RXFP1: variants seen among roughly 807,000 people sequenced by gnomAD.
RXFP1 encodes relaxin receptor 1.
In RXFP1, 73 loss-of-function variants were observed where a neutral mutation model predicts 89.8. The observed-to-expected ratio is 0.81, with a 90% CI of 0.67 to 0.99. The LOEUF (loss-of-function observed/expected upper bound fraction) is 0.99, where lower values mean the gene tolerates loss of function less well. Ranked by LOEUF, RXFP1 falls within the 50% of genes least tolerant of loss-of-function variation. The pLI is 0.00. For synonymous variants in RXFP1, 277 were observed against 305.5 expected (o/e 0.91, Z 0.97); for missense variants, 793 against 895.5 (o/e 0.89, Z 1.46).
At chr4:158,565,616 G>A (rs986589947) in intron 1 of RXFP1, among the ~76,000 whole-genome samples, 1 of 152,160 alleles carries the variant, frequency 6.6e-6, no homozygotes, top group African/African-American at 2.4e-5. Context: ...ATATTACAAA[G>A]ACACCAAAGC....
chr4:158,523,361 G>A (rs930790708), intron 1 of RXFP1, among the ~76,000 whole-genome samples: 4 of 152,068 alleles, frequency 2.6e-5, no homozygotes, highest in African/African-American at 7.2e-5. Context: ...GAATTTAAGG[G>A]TATATAAAAG....
chr4:158,578,331 C>G (rs370261789), intron 2 of RXFP1, among the ~76,000 whole-genome samples: 3 of 152,260 alleles, frequency 2.0e-5, no homozygotes, highest in East Asian at 3.9e-4. Context: ...TTTAAGTCAT[C>G]AGAGCAGTGT....
Position 158,589,434 on chromosome 4 carries a change from T to G in RXFP1, c.188-3967T>G, listed in dbSNP as rs939612228. ...TTTATAAAATAGCAAAATCTTTTGG[T>G]ATGTCAGTCTTCTCTAAGTCCAATT... On this transcript the variant is annotated intron_variant, in intron 2 of 17. Transcript: ENST00000307765. Among the ~76,000 whole-genome samples, 6 of 152,290 alleles carry G rather than the reference T, an allele frequency of 3.9e-5. No individual in the cohort carries two copies. The South Asian group carries it at 1.2e-3, about 32-fold the overall frequency.
At chr4:158,531,532 CT>C (rs1270186080) in intron 1 of RXFP1, among the ~76,000 whole-genome samples, 29 of 152,086 alleles carry the variant, frequency 1.9e-4, no homozygotes, top group Admixed American at 1.8e-3. Flanking sequence ...GGTTTTTGTC[CT>C]TTTTTTCCTC....
At chr4:158,552,196 G>A (rs1295803189) in intron 1 of RXFP1, among the ~76,000 whole-genome samples, 2 of 152,156 alleles carry the variant, frequency 1.3e-5, no homozygotes, top group Non-Finnish European at 2.9e-5. Flanking sequence ...TTTATTTCTT[G>A]GCTGCACTAC....
chr4:158,568,632 T>A (rs1259956183), intron 1 of RXFP1, among the ~76,000 whole-genome samples: 5 of 152,188 alleles, frequency 3.3e-5, no homozygotes, highest in Non-Finnish European at 7.4e-5. Flanking sequence ...TTTAAACAAT[T>A]GGTTGAAAAA....
intron 14 of RXFP1, among the ~76,000 whole-genome samples, chr4:158,640,475 A>G (rs953179611): frequency 1.2e-4 from 18 of 152,168 alleles, no homozygotes; most frequent in Non-Finnish European, 2.4e-4. Flanking sequence ...ATGGCAGAGG[A>G]CAAAGAGGGA....
chr4:158,541,113 T>A lies in RXFP1; in HGVS notation c.49+19088T>A, dbSNP rs558200877. Among the ~76,000 whole-genome samples the A allele has an allele frequency of 5.3e-5, 8 of 152,286 alleles. No homozygotes were observed. The South Asian group carries it at 1.7e-3, about 32-fold the overall frequency. ...TGATGGCATTCAGAGTCATGCTTTT[T>A]GTTATTTTCCCACAAAAGGTTAGAT... On this transcript the variant is annotated intron_variant, in intron 1 of 17. Coordinates refer to ENST00000307765, the MANE Select transcript of RXFP1 (RefSeq NM_021634.4).
intron 1 of RXFP1, among the ~76,000 whole-genome samples, chr4:158,528,068 C>A (rs1743030105): frequency 6.6e-6 from 1 of 152,180 alleles, no homozygotes; most frequent in African/African-American, 2.4e-5. Flanking sequence ...CTAGTATAAT[C>A]CCTCTTCACA....
chr4:158,651,756 G>A lies in RXFP1; in HGVS notation c.1976-1G>A. On this transcript the variant is annotated splice_acceptor_variant, in intron 17 of 17. Transcript: ENST00000307765. LOFTEE classifies it high-confidence loss of function. ...AAAACTATTTCATTTTTCTTTTTTAGGTACCATAACCTCTTGGGTAGTGAT... is the reference window on the plus strand; with the variant it reads ...AAAACTATTTCATTTTTCTTTTTTAAGTACCATAACCTCTTGGGTAGTGAT... 1 of 1,582,478 alleles carries A rather than the reference G, an allele frequency of 6.3e-7. No individual in the cohort carries two copies. Among genetic ancestry groups the A allele is most frequent in the African/African-American group, 1.4e-5 (1 of 73,082 alleles).
At chr4:158,580,447 A>G (rs912565251) in intron 2 of RXFP1, among the ~76,000 whole-genome samples, 2 of 152,204 alleles carry the variant, frequency 1.3e-5, no homozygotes, top group African/African-American at 4.8e-5. Context: ...GTCTTTCTTG[A>G]GTTCAACTTT....
At chr4:158,536,965 T>C (rs997031589) in intron 1 of RXFP1, among the ~76,000 whole-genome samples, 1 of 152,114 alleles carries the variant, frequency 6.6e-6, no homozygotes, top group Non-Finnish European at 1.5e-5. Flanking sequence ...AAGTTTTGTT[T>C]ACTGTTTCCA....
intron 6 of RXFP1, among the ~76,000 whole-genome samples, chr4:158,608,982 CT>C (rs1363067642): frequency 6.6e-6 from 1 of 152,134 alleles, no homozygotes; most frequent in African/African-American, 2.4e-5. Context: ...TTTTTTAGGG[CT>C]GAATAATAGT....
intron 1 of RXFP1, among the ~76,000 whole-genome samples, chr4:158,533,147 T>C (rs756549992): frequency 1.3e-5 from 2 of 152,166 alleles, no homozygotes; most frequent in Non-Finnish European, 2.9e-5. Flanking sequence ...TCAAGACCAA[T>C]ATGGTAGAAT....
intron 1 of RXFP1, among the ~76,000 whole-genome samples, chr4:158,566,874 A>C (rs1234011849): frequency 6.6e-6 from 1 of 152,090 alleles, no homozygotes; most frequent in Non-Finnish European, 1.5e-5. Flanking sequence ...CCACCGCTGC[A>C]CTGTGGGAGC....
intron 12 of RXFP1, among the ~76,000 whole-genome samples, chr4:158,637,658 C>T (rs1434671236): frequency 6.6e-6 from 1 of 152,118 alleles, no homozygotes; most frequent in Non-Finnish European, 1.5e-5. Context: ...ATATGATTTG[C>T]AAATATTGTC....
rs966750187 is a variant in RXFP1, at chr4:158,567,882, C to A, written c.50-4816C>A. ...AGGCTGCCCAAGTCAGCAGTGGCAA[C>A]CCGCTCGGGTCTCCTTCCAGCTTGT... On this transcript the variant is annotated intron_variant, in intron 1 of 17. Coordinates refer to ENST00000307765, the MANE Select transcript of RXFP1 (RefSeq NM_021634.4). 1.4e-4 allele frequency among the ~76,000 whole-genome samples: 21 copies of A among 152,310 alleles called. No homozygotes were observed. In the East Asian group the frequency reaches 4.0e-3, roughly 29 times the overall value.
intron 4 of RXFP1, among the ~76,000 whole-genome samples, chr4:158,602,916 C>T (rs2150102763): frequency 6.6e-6 from 1 of 152,280 alleles, no homozygotes; most frequent in South Asian, 2.1e-4. Context: ...TTAAATCAAA[C>T]TCAGGTTTTT....
At chr4:158,537,073 A>G (rs537919952) in intron 1 of RXFP1, among the ~76,000 whole-genome samples, 1 of 152,156 alleles carries the variant, frequency 6.6e-6, no homozygotes, top group East Asian at 1.9e-4. Flanking sequence ...CACCAACCTA[A>G]AAGAAACCTA....
Sources: allele counts gnomAD v4.1 joint callset (sites outside exome capture counted in the v4.1 genomes callset), GRCh38; gene constraint gnomAD v4.1.1; transcripts MANE v1.5; gene names NCBI Gene and HGNC (gene_info 2026-07-23, HGNC 2026-07-21).